Variants in SERGEF observed in about 807,000 individuals in gnomAD.
SERGEF encodes the protein secretion regulating guanine nucleotide exchange factor, also known as secretion-regulating guanine nucleotide exchange factor.
A neutral mutation model predicts 50.0 loss-of-function variants in SERGEF; 51 were observed. The observed-to-expected ratio is 1.02, with a 90% CI of 0.81 to 1.29. The LOEUF (loss-of-function observed/expected upper bound fraction) is 1.29, where lower values mean the gene tolerates loss of function less well. Among genes scored for constraint, SERGEF ranks in the 50% most tolerant of loss-of-function variants. The probability of loss-of-function intolerance (pLI) is 0.00; values close to 1 mark genes in which losing one functional copy is unlikely to be tolerated. For synonymous variants in SERGEF, 205 were observed against 212.4 expected, an observed-to-expected ratio of 0.97 and a Z score of 0.30; for missense variants, 521 against 557.0, an observed-to-expected ratio of 0.94 and a Z score of 0.65.
At chr11:17,962,499 T>TA (rs912561738) in intron 8 of SERGEF, among the ~76,000 whole-genome samples, 8 of 152,038 alleles carry the variant, frequency 5.3e-5, no homozygotes, top group African/African-American at 9.7e-5. Context: ...TTACTATGAT[T>TA]AAAAAAAATA....
intron 9 of SERGEF, among the ~76,000 whole-genome samples, chr11:17,952,123 T>C (rs1219529544): frequency 2.6e-5 from 4 of 152,220 alleles, no homozygotes; most frequent in Non-Finnish European, 5.9e-5. Context: ...AGATAAATAA[T>C]GTCTGTCCTC....
chr11:17,965,760 G>A (rs944599341), intron 8 of SERGEF, among the ~76,000 whole-genome samples: 2 of 152,080 alleles, frequency 1.3e-5, no homozygotes, highest in Non-Finnish European at 2.9e-5. Context: ...TAGAATAAAT[G>A]AATCCAACCA....
chr11:17,833,659 G>A (rs997360769), intron 10 of SERGEF, among the ~76,000 whole-genome samples: 2 of 152,346 alleles, frequency 1.3e-5, no homozygotes, highest in African/African-American at 4.8e-5. Flanking sequence ...ATCCACAGGG[G>A]TGGAGCTGCT....
Position 17,859,552 on chromosome 11 carries a change from C to G in SERGEF, c.1048+18656G>C, listed in dbSNP as rs192534820. ...CAATTTCAAGAAAGATTTCCCAGAA[C>G]TGGCAGGCCTAAGCCTCTGGACTGA... On this transcript the variant is annotated intron_variant, in intron 10 of 10. Coordinates refer to ENST00000265965, the MANE Select transcript of SERGEF (RefSeq NM_012139.4). Among the ~76,000 whole-genome samples the G allele has an allele frequency of 1.8e-3, 273 of 152,242 alleles. 1 individual carries two copies. The highest frequency in any genetic ancestry group is 4.6e-3 in the African/African-American group (192 of 41,566).
chr11:17,994,475 CAAA>C (rs58280362), intron 6 of SERGEF, among the ~76,000 whole-genome samples: 1 of 63,730 alleles, frequency 1.6e-5, no homozygotes, highest in Admixed American at 2.0e-4. Flanking sequence ...GACTCTGTCT[CAAA>C]AAAAAAAAAA....
chr11:17,861,277 T>G (rs1257254014), intron 10 of SERGEF, among the ~76,000 whole-genome samples: 2 of 152,220 alleles, frequency 1.3e-5, no homozygotes, highest in East Asian at 3.8e-4. Flanking sequence ...ATAAACCACA[T>G]AATTCGCTCC....
chr11:17,791,022 T>A (rs1311221159), intron 10 of SERGEF, among the ~76,000 whole-genome samples: 1 of 152,250 alleles, frequency 6.6e-6, no homozygotes, highest in African/African-American at 2.4e-5. Flanking sequence ...TTTGTTGTTA[T>A]GTGCATTTGG....
chr11:17,902,453 G>GA (rs71457884), intron 9 of SERGEF, among the ~76,000 whole-genome samples: 25,853 of 152,014 alleles, frequency 0.17, 2,932 homozygotes, highest in Non-Finnish European at 0.25. Flanking sequence ...ATGTTCAAGA[G>GA]AAAAAATGGC....
chr11:17,952,681 T>C (rs1230571291), intron 9 of SERGEF, among the ~76,000 whole-genome samples: 1 of 152,180 alleles, frequency 6.6e-6, no homozygotes, highest in East Asian at 1.9e-4. Flanking sequence ...CAGAATCTCC[T>C]GGAAGGGCTA....
rs1244778251 is a variant in SERGEF at position 17,888,185 on chromosome 11, G to A, written c.1012-9941C>T. Among the ~76,000 whole-genome samples the A allele has an allele frequency of 6.6e-6, 1 of 152,150 alleles. No individual in the cohort carries two copies. The highest frequency in any genetic ancestry group is 1.5e-5 in the Non-Finnish European group (1 of 68,030). On this transcript the variant is annotated intron_variant, in intron 9 of 10. Transcript: ENST00000265965. The surrounding 1 kb of genome is among the most constrained non-coding windows in gnomAD (Gnocchi z 4.1). ...CTCTTCCAGGAAACCGGCCCCTAGT[G>A]CCAAAAAGGTTGGGGACTGCTGCTT...
At chr11:18,006,420 C>T (rs1190408071) in intron 3 of SERGEF, among the ~76,000 whole-genome samples, 171 bp downstream of exon 3, 1 of 152,200 alleles carries the variant, frequency 6.6e-6, no homozygotes, top group African/African-American at 2.4e-5. Context: ...AAGTGATACA[C>T]CTGCCTTGGC....
intron 9 of SERGEF, among the ~76,000 whole-genome samples, chr11:17,881,005 A>G (rs1851324321): frequency 6.6e-6 from 1 of 152,182 alleles, no homozygotes; most frequent in South Asian, 2.1e-4. Flanking sequence ...CATTTTAGTC[A>G]TCACAACAAT....
At chr11:17,943,001 T>C (rs1852588765) in intron 9 of SERGEF, among the ~76,000 whole-genome samples, 1 of 152,168 alleles carries the variant, frequency 6.6e-6, no homozygotes, top group Non-Finnish European at 1.5e-5. Context: ...GATTTGCTAA[T>C]ATTTTGTTGC....
intron 10 of SERGEF, among the ~76,000 whole-genome samples, chr11:17,834,855 T>C (rs1256901183): frequency 6.6e-6 from 1 of 152,216 alleles, no homozygotes; most frequent in Non-Finnish European, 1.5e-5. Context: ...ATCCCTCTAG[T>C]ACTTCTCTCA....
At chr11:18,010,322 T>A (rs964094434) in intron 1 of SERGEF, 3 of 247,804 alleles carry the variant, frequency 1.2e-5, no homozygotes, top group Non-Finnish European at 2.5e-5. Flanking sequence ...GGGGGCAATA[T>A]TAGCTACCAA....
intron 10 of SERGEF, among the ~76,000 whole-genome samples, chr11:17,843,355 T>A (rs1366431174): frequency 6.6e-6 from 1 of 152,228 alleles, no homozygotes; most frequent in Non-Finnish European, 1.5e-5. Context: ...CTTGAGTTCC[T>A]ACTATATGTC....
intron 10 of SERGEF, among the ~76,000 whole-genome samples, chr11:17,867,207 G>A (rs577131162): frequency 1.8e-4 from 27 of 152,322 alleles, no homozygotes; most frequent in African/African-American, 6.3e-4. Context: ...AGTCCCTTCT[G>A]CCTATGAGCC....
At chr11:17,992,742 A>C (rs1295213453) in intron 7 of SERGEF, among the ~76,000 whole-genome samples, 189 bp downstream of exon 7, 1 of 152,204 alleles carries the variant, frequency 6.6e-6, no homozygotes, top group Non-Finnish European at 1.5e-5. Context: ...ACTGCCCACA[A>C]AGTCTTTTAC....
intron 10 of SERGEF, chr11:17,846,584 C>A: frequency 2.4e-6 from 1 of 413,406 alleles, no homozygotes; most frequent in Non-Finnish European, 4.9e-6. Flanking sequence ...TAAAAAATCA[C>A]CTCCAGCATG....
Sources: allele counts gnomAD v4.1 joint callset (sites outside exome capture counted in the v4.1 genomes callset), GRCh38; gene constraint gnomAD v4.1.1; non-coding constraint Gnocchi (gnomAD v3.1); transcripts MANE v1.5; gene names NCBI Gene and HGNC (gene_info 2026-07-23, HGNC 2026-07-21).